Variants in COL19A1 observed in about 807,000 individuals in gnomAD.
The protein encoded by COL19A1 is collagen type XIX alpha 1 chain.
A neutral mutation model predicts 190.2 loss-of-function variants in COL19A1; 159 were observed. The observed-to-expected ratio is 0.84, with a 90% CI of 0.73 to 0.95. The LOEUF (loss-of-function observed/expected upper bound fraction) is 0.95, where lower values mean the gene tolerates loss of function less well. Among genes scored for constraint, COL19A1 ranks in the 40% least tolerant of loss-of-function variants. COL19A1 has a pLI of 0.00. For synonymous variants in COL19A1, 509 were observed against 458.9 expected, an observed-to-expected ratio of 1.11 and a Z score of -1.39; for missense variants, 1,418 against 1,431.9, an observed-to-expected ratio of 0.99 and a Z score of 0.16.
At chr6:70,037,102 T>C (rs529772784) in intron 14 of COL19A1, among the ~76,000 whole-genome samples, 2 of 152,270 alleles carry the variant, frequency 1.3e-5, no homozygotes, top group East Asian at 3.9e-4. Flanking sequence ...GACTATTTTT[T>C]TGAGAGGAGG....
intron 49 of COL19A1, among the ~76,000 whole-genome samples, chr6:70,202,103 C>T (rs904688082): frequency 6.6e-6 from 1 of 152,158 alleles, no homozygotes; most frequent in Non-Finnish European, 1.5e-5. Flanking sequence ...AATGACACAG[C>T]ATGACTGAGT....
chr6:70,034,693 C>A (rs1779255335), intron 13 of COL19A1, among the ~76,000 whole-genome samples: 1 of 152,110 alleles, frequency 6.6e-6, no homozygotes, highest in Non-Finnish European at 1.5e-5. Flanking sequence ...TTAACTATTC[C>A]ATTTTCTGCC....
At chr6:69,931,808 T>C (rs916432390) in intron 6 of COL19A1, among the ~76,000 whole-genome samples, 2 of 152,230 alleles carry the variant, frequency 1.3e-5, no homozygotes, top group Admixed American at 6.5e-5. Context: ...ATGAACTGCA[T>C]TGATTTTGTT....
intron 16 of COL19A1, among the ~76,000 whole-genome samples, chr6:70,117,399 T>G (rs544489892): frequency 9.2e-5 from 14 of 152,326 alleles, no homozygotes; most frequent in African/African-American, 3.4e-4. Context: ...TGCAAATAGC[T>G]CATCATTTTT....
chr6:69,893,649 C>T (rs1769517332), intron 2 of COL19A1, among the ~76,000 whole-genome samples: 1 of 152,190 alleles, frequency 6.6e-6, no homozygotes. Flanking sequence ...CCTTGCCATA[C>T]CTTGAAATTG....
intron 40 of COL19A1, 103 bp from the exon 41 acceptor site, chr6:70,171,861 G>A: frequency 1.1e-6 from 1 of 902,540 alleles, no homozygotes; most frequent in South Asian, 1.4e-5. Flanking sequence ...ACACATCAAT[G>A]TTTGGGGTGG....
At chr6:69,913,084 G>A (rs1771064496) in intron 4 of COL19A1, among the ~76,000 whole-genome samples, 1 of 151,950 alleles carries the variant, frequency 6.6e-6, no homozygotes, top group Non-Finnish European at 1.5e-5. Flanking sequence ...GTGAGACCCT[G>A]TCTCAAAAAA....
intron 4 of COL19A1, among the ~76,000 whole-genome samples, chr6:69,903,631 G>A (rs1055456063): frequency 6.6e-6 from 1 of 152,158 alleles, no homozygotes; most frequent in East Asian, 1.9e-4. Context: ...ATTACTAACT[G>A]CTTTTCTATC....
intron 16 of COL19A1, among the ~76,000 whole-genome samples, chr6:70,109,783 C>T (rs1357767135): frequency 6.6e-6 from 1 of 152,096 alleles, no homozygotes; most frequent in African/African-American, 2.4e-5. Flanking sequence ...TCTGAATCCA[C>T]TGGATATCAC....
chr6:70,091,057 T>C (rs1297726016), intron 15 of COL19A1, among the ~76,000 whole-genome samples: 1 of 152,198 alleles, frequency 6.6e-6, no homozygotes, highest in Non-Finnish European at 1.5e-5. Context: ...CCTGTATAAC[T>C]CTGTACTGCC....
intron 15 of COL19A1, among the ~76,000 whole-genome samples, 179 bp downstream of exon 15, chr6:70,068,655 C>G (rs1222610251): frequency 6.6e-6 from 1 of 151,770 alleles, no homozygotes; most frequent in Non-Finnish European, 1.5e-5. Context: ...TCAGAAAATT[C>G]TATATTTTTC....
intron 15 of COL19A1, chr6:70,098,489 C>T (rs1783422658): frequency 4.0e-6 from 2 of 497,776 alleles, no homozygotes; most frequent in East Asian, 5.5e-5. Context: ...ATTCAGGTGC[C>T]TCATTCGACC....
intron 46 of COL19A1, 54 bp downstream of exon 46, chr6:70,184,969 C>A: frequency 6.5e-7 from 1 of 1,545,760 alleles, no homozygotes; most frequent in Non-Finnish European, 8.8e-7. Flanking sequence ...ACAACTGTCC[C>A]ATCATTTGAG....
rs1322753357 is a variant in COL19A1 at position 69,928,152 on chromosome 6, A to G, written c.390+120A>G. On this transcript the variant is annotated intron_variant, in intron 5 of 50. Transcript: ENST00000620364. ...AGTATCCAAATGTTCTATCCTTTAG[A>G]GGGATCATCAACAAGAAAATGCAAG... The G allele has an allele frequency of 1.0e-5, 13 of 1,288,402 alleles. No homozygotes were observed. In the South Asian group the frequency reaches 1.9e-4, roughly 18 times the overall value. 79.8% of individuals were successfully genotyped at this position (1,288,402 alleles called of 1,614,324 possible). A position where few individuals can be genotyped will look rare whatever the true frequency, so the allele number is the denominator to read the frequency against.
At chr6:70,099,764 C>G (rs1276073814) in intron 15 of COL19A1, among the ~76,000 whole-genome samples, 9 of 152,168 alleles carry the variant, frequency 5.9e-5, no homozygotes, top group Non-Finnish European at 5.9e-5. Context: ...AAGTTGTGTG[C>G]ACACAATATG....
chr6:70,010,714 C>T (rs868405815), intron 11 of COL19A1, among the ~76,000 whole-genome samples: 2 of 135,678 alleles, frequency 1.5e-5, no homozygotes, highest in Non-Finnish European at 3.0e-5. Context: ...GTCCTACACC[C>T]ACGGAATCTC....
At chr6:70,027,929 C>T (rs1373445616) in intron 12 of COL19A1, among the ~76,000 whole-genome samples, 2 of 152,134 alleles carry the variant, frequency 1.3e-5, no homozygotes, top group Non-Finnish European at 2.9e-5. Context: ...TGATGTACTA[C>T]TTGGTAAATT....
At chr6:70,043,488 G>A (rs967062749) in intron 14 of COL19A1, among the ~76,000 whole-genome samples, 4 of 152,020 alleles carry the variant, frequency 2.6e-5, no homozygotes, top group East Asian at 3.9e-4. Flanking sequence ...CACCGCGCCC[G>A]GCCACAAAAT....
At chr6:69,886,688 C>T (rs565991681) in intron 2 of COL19A1, among the ~76,000 whole-genome samples, 6 of 151,978 alleles carry the variant, frequency 3.9e-5, no homozygotes, top group East Asian at 1.9e-4. Flanking sequence ...TGAAATGACA[C>T]GGTGCTTTGC....
Sources: allele counts gnomAD v4.1 joint callset (sites outside exome capture counted in the v4.1 genomes callset), GRCh38; gene constraint gnomAD v4.1.1; transcripts MANE v1.5; gene names NCBI Gene and HGNC (gene_info 2026-07-23, HGNC 2026-07-21).